Variants in ABCB8 observed in about 807,000 individuals in gnomAD.
ABCB8 encodes ATP binding cassette subfamily B member 8, also known as mitochondrial potassium channel ATP-binding subunit.
In ABCB8, 52 loss-of-function variants were observed where a neutral mutation model predicts 73.0. The observed-to-expected ratio is 0.71, with a 90% CI of 0.57 to 0.90. ABCB8 has a LOEUF of 0.90. Ranked by LOEUF, ABCB8 falls within the 40% of genes least tolerant of loss-of-function variation. The probability of loss-of-function intolerance (pLI) is 0.00; values close to 1 mark genes in which losing one functional copy is unlikely to be tolerated. For missense variants in ABCB8, 909 were observed against 974.6 expected, an observed-to-expected ratio of 0.93 and a Z score of 0.90; for synonymous variants, 428 against 423.5, an observed-to-expected ratio of 1.01 and a Z score of -0.13.
chr7:151,033,030 CTT>C, intron 1 of ABCB8: 1 of 456,682 alleles, frequency 2.2e-6, no homozygotes, highest in Non-Finnish European at 4.4e-6. Context: ...TTTCAGCTCT[CTT>C]AGCTCCACAT....
Position 151,040,805 on chromosome 7 carries a change from G to A in ABCB8, c.1389-23G>A, listed in dbSNP as rs111635309. 9.2e-5 allele frequency: 146 copies of A among 1,587,172 alleles called. No homozygotes were observed. In the African/African-American group the frequency reaches 1.7e-3, roughly 18 times the overall value. On this transcript the variant is annotated intron_variant, in intron 11 of 15. Coordinates refer to ENST00000358849, the MANE Select transcript of ABCB8 (RefSeq NM_007188.5). ...CAAGGGCTGGGAGCCTGGTCTGACT[G>A]GGGGTCTCTCGGCTCCTCCCAGCTA...
intron 9 of ABCB8, chr7:151,038,552 C>T (rs1265085281): frequency 6.6e-6 from 1 of 152,176 alleles, no homozygotes; most frequent in African/African-American, 2.4e-5. Flanking sequence ...TAAAATCACC[C>T]CTTAGCCCTC....
chr7:151,029,478 T>TTTTTCCTTTC (rs1796085080), intron 1 of ABCB8: 1 of 128,256 alleles, frequency 7.8e-6, no homozygotes, highest in Non-Finnish European at 1.6e-5. Context: ...GATTCCTTTT[T>TTTTTCCTTTC]TTTTCTTTTC....
At chr7:151,036,788 G>T (rs1796321861) in intron 9 of ABCB8, 139 bp downstream of exon 9, 3 of 810,662 alleles carry the variant, frequency 3.7e-6, no homozygotes, top group African/African-American at 3.4e-5. Flanking sequence ...CCCCAGGGAT[G>T]CATAGGGTGG....
rs542417033 is a variant in ABCB8, at chr7:151,028,507, C to T, written c.-9C>T. On this transcript the variant is annotated 5_prime_UTR_variant, in exon 1 of 16. Coordinates refer to ENST00000358849, the MANE Select transcript of ABCB8 (RefSeq NM_007188.5). The stretch of plus-strand genomic sequence containing the variant: ...CTATTGCCGGCGGCTCCTGTTTTAC[C>T]GCGTCAGCATGCTGGTGCATTTATT... The T allele has an allele frequency of 1.1e-5, 18 of 1,611,302 alleles. No individual in the cohort carries two copies. Among genetic ancestry groups the T allele is most frequent in the African/African-American group, 8.0e-5 (6 of 74,876 alleles).
At chr7:151,037,735 C>T (rs1369574074) in intron 9 of ABCB8, 2 of 256,156 alleles carry the variant, frequency 7.8e-6, no homozygotes, top group Admixed American at 5.0e-5. Context: ...TGCACCCCTG[C>T]GTGTGTGTCC....
chr7:151,040,669 C>G, intron 11 of ABCB8, 35 bp downstream of exon 11: 1 of 1,604,042 alleles, frequency 6.2e-7, no homozygotes, highest in Non-Finnish European at 8.5e-7. Context: ...GGATGGGTCC[C>G]TGGGCCGGGG....
intron 13 of ABCB8, 57 bp downstream of exon 13, chr7:151,041,289 GCC>G (rs1796458841): frequency 6.5e-7 from 1 of 1,537,644 alleles, no homozygotes; most frequent in Admixed American, 1.9e-5. Context: ...CCTGGGCCCT[GCC>G]CCCTTAGTCC....
intron 14 of ABCB8, among the ~76,000 whole-genome samples, chr7:151,043,240 A>G (rs1584958450): frequency 6.6e-6 from 1 of 152,092 alleles, no homozygotes. Flanking sequence ...ATGGCTGGGG[A>G]GGGGCATTTG....
chr7:151,033,263 C>T (rs1796213458), intron 1 of ABCB8: 3 of 485,188 alleles, frequency 6.2e-6, no homozygotes, highest in Non-Finnish European at 1.1e-5. Flanking sequence ...AGTGTGTGGC[C>T]ATCTAACGTG....
At position 151,040,505 on chromosome 7, in the gene ABCB8, G is replaced by A. The variant is rs772895911; in HGVS notation, c.1259G>A (p.Arg420Gln). 13 of 1,610,588 alleles carry A rather than the reference G, an allele frequency of 8.1e-6. No homozygotes were observed. The highest frequency in any genetic ancestry group is 3.3e-5 in the Admixed American group (2 of 59,798). Residue 420 changes from arginine (R) to glutamine (Q), a missense_variant, in exon 11 of 16, where the codon CGG (arginine) becomes CAG (glutamine). Arg to Gln is a conservative substitution (Grantham distance 43). Coordinates refer to ENST00000358849, the MANE Select transcript of ABCB8 (RefSeq NM_007188.5). ...NLSVLFGQVV[R>Q]GLSAGARVFE... ...TTGGATCCCCTCCCACAGGTGGTCC[G>A]GGGGCTGAGTGCAGGTGCCCGGGTC...
intron 1 of ABCB8, 130 bp from the exon 2 acceptor site, chr7:151,033,475 G>T: frequency 6.9e-7 from 1 of 1,451,680 alleles, no homozygotes. Context: ...GCCCTGAGAA[G>T]GGCAGGGGCA....
chr7:151,041,858 A>G, intron 13 of ABCB8, 103 bp from the exon 14 acceptor site: 1 of 1,369,598 alleles, frequency 7.3e-7, no homozygotes, highest in Non-Finnish European at 1.0e-6. Context: ...ATCCTAATCT[A>G]ATCCACCAGA....
chr7:151,040,551 CCCCT>C lies in ABCB8; in HGVS notation c.1306_1309del (p.Pro436AlafsTer37). On this transcript the variant is annotated frameshift_variant, in exon 11 of 16. Transcript: ENST00000358849. LOFTEE classifies it high-confidence loss of function. ...GGGTCTTTGAGTACATGGCCCTGAA[CCCCT>C]GCATCCCACTGTCTGGGGGCTGCTG... 6.2e-7 allele frequency: 1 copy of C among 1,613,530 alleles called. No individual in the cohort carries two copies. The highest frequency in any genetic ancestry group is 8.5e-7 in the Non-Finnish European group (1 of 1,179,946).
chr7:151,036,697 A>G, intron 9 of ABCB8, 48 bp downstream of exon 9: 1 of 1,499,950 alleles, frequency 6.7e-7, no homozygotes, highest in Admixed American at 1.8e-5. Flanking sequence ...GCCGCCCTCC[A>G]GAGCCCTGCT....
At position 151,036,095 on chromosome 7, in the gene ABCB8, G is replaced by T; in HGVS notation, c.1036G>T (p.Ala346Ser). The change falls in exon 8 of 16, where the codon GCC (alanine) becomes TCC (serine). Residue 346 changes from alanine (A) to serine (S), a missense_variant. By Grantham distance (99) the Ala-to-Ser change is moderately conservative. Transcript: ENST00000358849. The part of the protein sequence containing the change: ...EEERYGAELE[A>S]CRCRAEELGR... ...CAGGCGCTATGGGGCAGAGCTGGAA[G>T]CCTGCCGCTGCCGGGCAGAGGAGCT... is the stretch of plus-strand genomic sequence containing the variant. 3 of 1,612,826 alleles carry T rather than the reference G, an allele frequency of 1.9e-6. No individual in the cohort carries two copies. The highest frequency in any genetic ancestry group is 2.5e-6 in the Non-Finnish European group (3 of 1,179,892).
intron 2 of ABCB8, 108 bp downstream of exon 2, chr7:151,034,025 C>T: frequency 7.3e-7 from 1 of 1,373,570 alleles, no homozygotes; most frequent in Non-Finnish European, 9.7e-7. Flanking sequence ...AGGGGAGCAG[C>T]AAGGGCTAGC....
intron 1 of ABCB8, 64 bp from the exon 2 acceptor site, chr7:151,033,541 G>C (rs1796219814): frequency 6.6e-7 from 1 of 1,511,838 alleles, no homozygotes; most frequent in Admixed American, 2.2e-5. Context: ...GAGCCCCATG[G>C]GTGTGCTGGT....
chr7:151,040,449 T>C, intron 10 of ABCB8, 49 bp from the exon 11 acceptor site: 1 of 1,584,936 alleles, frequency 6.3e-7, no homozygotes, highest in East Asian at 2.3e-5. Context: ...GAGATGCTGT[T>C]GTCACCCCTA....
Sources: allele counts gnomAD v4.1 joint callset (sites outside exome capture counted in the v4.1 genomes callset), GRCh38; gene constraint gnomAD v4.1.1; transcripts MANE v1.5; gene names NCBI Gene and HGNC (gene_info 2026-07-23, HGNC 2026-07-21).